The following GOLGA4 variants were observed in gnomAD, a reference collection of about 807,000 sequenced individuals.
The protein encoded by GOLGA4 is golgin subfamily A member 4.
GOLGA4 carries 169 observed loss-of-function variants against 265.9 expected under a neutral mutation model. The ratio of observed to expected loss-of-function variants is 0.64; its 90% CI spans 0.56 to 0.72. GOLGA4 has a LOEUF of 0.72. Among genes scored for constraint, GOLGA4 ranks in the 30% least tolerant of loss-of-function variants. The pLI, the probability that GOLGA4 is intolerant of heterozygous loss-of-function variation, is 0.00. For missense variants in GOLGA4, 2,482 were observed against 2,483.4 expected (o/e 1.00, Z 0.01); for synonymous variants, 923 against 855.8 (o/e 1.08, Z -1.37).
At chr3:37,312,882 CTTAT>C (rs2096926819) in intron 10 of GOLGA4, among the ~76,000 whole-genome samples, 1 of 151,950 alleles carries the variant, frequency 6.6e-6, no homozygotes, top group African/African-American at 2.4e-5. Context: ...AAATTTAGAC[CTTAT>C]TTGAGTATCA....
chr3:37,364,124 A>G (rs989576474), intron 23 of GOLGA4, among the ~76,000 whole-genome samples: 4 of 152,300 alleles, frequency 2.6e-5, no homozygotes, highest in East Asian at 1.9e-4. Context: ...AACTCCCCCT[A>G]TCCACTTAAT....
intron 2 of GOLGA4, among the ~76,000 whole-genome samples, chr3:37,258,346 T>G (rs903257297): frequency 6.7e-6 from 1 of 148,858 alleles, no homozygotes; most frequent in East Asian, 1.9e-4. Context: ...ATATATATGC[T>G]CTGTATATAT....
chr3:37,260,633 C>T (rs1316333504), intron 2 of GOLGA4, among the ~76,000 whole-genome samples: 5 of 136,084 alleles, frequency 3.7e-5, no homozygotes, highest in African/African-American at 5.7e-5. Context: ...AGTGAAACTC[C>T]GTCTCAAAAA....
chr3:37,308,626 AT>A (rs1559409431), intron 10 of GOLGA4, among the ~76,000 whole-genome samples: 1 of 150,268 alleles, frequency 6.7e-6, no homozygotes, highest in African/African-American at 2.4e-5. Flanking sequence ...ATATATATAT[AT>A]TTTTTTGAGA....
intron 5 of GOLGA4, among the ~76,000 whole-genome samples, chr3:37,293,823 T>C (rs1179717583): frequency 6.6e-6 from 1 of 152,212 alleles, no homozygotes; most frequent in Non-Finnish European, 1.5e-5. Flanking sequence ...GAGTGTTCTT[T>C]CAGAAACCTA....
chr3:37,278,459 T>C (rs1054521364), intron 2 of GOLGA4, among the ~76,000 whole-genome samples: 3 of 152,186 alleles, frequency 2.0e-5, no homozygotes, highest in Non-Finnish European at 2.9e-5. Flanking sequence ...CGCCTTGGCC[T>C]CCCAGAGTGC....
chr3:37,359,446 T>C (rs2097098829), intron 22 of GOLGA4, among the ~76,000 whole-genome samples: 1 of 152,162 alleles, frequency 6.6e-6, no homozygotes, highest in Admixed American at 6.5e-5. Flanking sequence ...TCTTAGACAT[T>C]TTTCTCTTTA....
At chr3:37,247,016 CTAAA>C (rs1407281298) in intron 1 of GOLGA4, among the ~76,000 whole-genome samples, 2 of 152,110 alleles carry the variant, frequency 1.3e-5, no homozygotes, top group Non-Finnish European at 2.9e-5. Flanking sequence ...TCCAAGTTTA[CTAAA>C]TAGTTTCAGT....
intron 21 of GOLGA4, among the ~76,000 whole-genome samples, chr3:37,349,236 TA>T (rs2097066030): frequency 6.6e-6 from 1 of 152,202 alleles, no homozygotes; most frequent in Non-Finnish European, 1.5e-5. Context: ...ATACCATCTC[TA>T]ACTTTAAGGC....
chr3:37,247,465 A>T (rs1023312536), intron 1 of GOLGA4, among the ~76,000 whole-genome samples: 1 of 152,220 alleles, frequency 6.6e-6, no homozygotes, highest in African/African-American at 2.4e-5. Context: ...GCATTTCTGG[A>T]GAAGATCAGG....
chr3:37,336,684 T>C (rs1195216796), intron 17 of GOLGA4, among the ~76,000 whole-genome samples: 1 of 151,148 alleles, frequency 6.6e-6, no homozygotes, highest in Non-Finnish European at 1.5e-5. Context: ...GGCAGGAGAA[T>C]CGCTTGAACC....
intron 2 of GOLGA4, among the ~76,000 whole-genome samples, chr3:37,255,906 C>T (rs568765525): frequency 1.7e-4 from 26 of 152,184 alleles, no homozygotes; most frequent in African/African-American, 6.3e-4. Context: ...GCATGAGTCA[C>T]CGCACAGGGC....
At chr3:37,277,530 G>A (rs926061696) in intron 2 of GOLGA4, among the ~76,000 whole-genome samples, 20 of 152,194 alleles carry the variant, frequency 1.3e-4, no homozygotes, top group Non-Finnish European at 2.2e-4. Flanking sequence ...TAATCTTAAG[G>A]ACTGTATAAT....
At chr3:37,277,973 TTGGCCCAC>T (rs1222041472) in intron 2 of GOLGA4, among the ~76,000 whole-genome samples, 2 of 152,222 alleles carry the variant, frequency 1.3e-5, no homozygotes, top group Non-Finnish European at 2.9e-5. Context: ...ATGTTAAGAA[TTGGCCCAC>T]TGGTACCGAC....
In GOLGA4 at chr3:37,296,228, C is replaced by G. The variant is rs2096877941; in HGVS notation, c.814+9C>G. ...TGATGGAGAGCCAGTAGGTAAGCTT[C>G]ATTTTGTCAAAAGGTTAATTTAAAA... On this transcript the variant is annotated intron_variant, in intron 7 of 23. Transcript: ENST00000361924. 2 of 1,613,672 alleles carry G rather than the reference C, an allele frequency of 1.2e-6. No homozygotes were observed. The highest frequency in any genetic ancestry group is 4.5e-5 in the East Asian group (2 of 44,870).
chr3:37,255,741 A>T (rs560712256), intron 2 of GOLGA4, among the ~76,000 whole-genome samples: 13 of 107,908 alleles, frequency 1.2e-4, no homozygotes, highest in Admixed American at 6.2e-4. Context: ...ATTTTCTTTT[A>T]AAAAAAAGCA....
In GOLGA4 at chr3:37,362,241, T is replaced by TTTA. The variant is rs1169842308; in HGVS notation, c.*33+938_*33+939insATT. On this transcript the variant is annotated intron_variant, in intron 23 of 23. Transcript: ENST00000361924. Reference sequence around the variant, plus strand: ...TATTTATTTATTTATTTATTTATTATTTTTTTTTTTTTTGAGACGGAGTCT... The same window carrying TTTA: ...TATTTATTTATTTATTTATTTATTATTTATTTTTTTTTTTTTGAGACGGAGTCT... Among the ~76,000 whole-genome samples, 18 of 107,880 alleles carry TTTA rather than the reference T, an allele frequency of 1.7e-4. 1 individual carries two copies. Among genetic ancestry groups the TTTA allele is most frequent in the African/African-American group, 6.6e-4 (18 of 27,178 alleles). 70.8% of individuals were successfully genotyped at this position (107,880 alleles called of 152,430 possible).
Position 37,302,311 on chromosome 3 carries a change from A to C in GOLGA4, c.1213A>C (p.Lys405Gln). 1.2e-6 allele frequency: 2 copies of C among 1,613,844 alleles called. No homozygotes were observed. The highest frequency in any genetic ancestry group is 2.2e-5 in the South Asian group (2 of 91,060). ...CCAGGGAGAGGAATTACGGGAACAG[A>C]AAGAAAAGTCCGAAAGAGCTGGTAA... ...TTQGEELREQ[K>Q]EKSERAAFEE... The change falls in exon 10 of 24, where the codon AAA becomes CAA. Residue 405 changes from lysine to glutamine, a missense_variant. By Grantham distance (53) the Lys-to-Gln change is moderately conservative. Transcript: ENST00000361924.
chr3:37,271,075 CA>C (rs1388404818), intron 2 of GOLGA4, among the ~76,000 whole-genome samples: 1 of 152,056 alleles, frequency 6.6e-6, no homozygotes, highest in Non-Finnish European at 1.5e-5. Flanking sequence ...TATCTAATGT[CA>C]CCACTGATCT....
Sources: gnomAD v4.1 joint callset for allele counts (sites outside exome capture counted in the v4.1 genomes callset) on GRCh38, gnomAD v4.1.1 for gene constraint, MANE v1.5 for transcripts, NCBI Gene and HGNC (gene_info 2026-07-23, HGNC 2026-07-21) for gene names.